HECW1: variants seen among roughly 807,000 people sequenced by gnomAD.
HECW1 encodes E3 ubiquitin-protein ligase HECW1.
Under a neutral mutation model 182.3 loss-of-function variants are expected in HECW1, and 61 were observed. The observed-to-expected ratio is 0.33, with a 90% CI of 0.27 to 0.41. The LOEUF (loss-of-function observed/expected upper bound fraction) is 0.41, where lower values mean the gene tolerates loss of function less well. HECW1 is among the 10% of genes least tolerant of loss of function. HECW1 has a pLI of 1.00. For synonymous variants in HECW1, 859 were observed against 832.6 expected (o/e 1.03, Z -0.55); for missense variants, 1,739 against 2,108.9 (o/e 0.82, Z 3.44).
chr7:43,248,142 GAAAGAA>G (rs1171907040), intron 3 of HECW1, among the ~76,000 whole-genome samples: 2 of 151,938 alleles, frequency 1.3e-5, no homozygotes, highest in African/African-American at 4.8e-5. Context: ...GGAGAGGAGA[GAAAGAA>G]GAAGAAAGAG....
intron 27 of HECW1, among the ~76,000 whole-genome samples, chr7:43,551,434 G>A (rs1317087745): frequency 4.9e-5 from 7 of 142,930 alleles, no homozygotes; most frequent in Non-Finnish European, 1.1e-4. Context: ...GGAAAATACA[G>A]TCGTTTTAAT....
At chr7:43,384,462 A>G (rs1018931701) in intron 6 of HECW1, among the ~76,000 whole-genome samples, 16 of 152,218 alleles carry the variant, frequency 1.1e-4, no homozygotes, top group Admixed American at 9.8e-4. Flanking sequence ...TCACCCTTGG[A>G]CCTTAGAGAG....
At chr7:43,278,282 C>T (rs538435339) in intron 3 of HECW1, among the ~76,000 whole-genome samples, 159 of 152,238 alleles carry the variant, frequency 1.0e-3, no homozygotes, top group African/African-American at 3.5e-3. Context: ...CCTGTTTCTC[C>T]GGCCAAAACC....
chr7:43,160,102 A>G (rs1330145987), intron 2 of HECW1, among the ~76,000 whole-genome samples: 1 of 152,246 alleles, frequency 6.6e-6, no homozygotes, highest in African/African-American at 2.4e-5. Context: ...GAGATTAAAC[A>G]GTTTTGCAGA....
intron 24 of HECW1, among the ~76,000 whole-genome samples, chr7:43,540,499 C>T (rs372059895): frequency 7.9e-5 from 12 of 152,290 alleles, no homozygotes; most frequent in East Asian, 7.7e-4. Context: ...GTCAATGCTC[C>T]GACAAGCATT....
intron 5 of HECW1, among the ~76,000 whole-genome samples, chr7:43,336,296 G>T (rs1812279078): frequency 6.6e-6 from 1 of 151,142 alleles, no homozygotes; most frequent in South Asian, 2.1e-4. Flanking sequence ...CTCCTGAGTA[G>T]CTGGGACCAC....
chr7:43,313,731 G>A (rs994165974), intron 4 of HECW1, among the ~76,000 whole-genome samples: 1 of 152,174 alleles, frequency 6.6e-6, no homozygotes, highest in Non-Finnish European at 1.5e-5. Flanking sequence ...CAACTTTCTA[G>A]CTTCTTTCAC....
intron 2 of HECW1, among the ~76,000 whole-genome samples, chr7:43,145,643 A>G (rs1435978380): frequency 6.6e-6 from 1 of 152,220 alleles, no homozygotes; most frequent in Non-Finnish European, 1.5e-5. Flanking sequence ...GTAGAGGTCT[A>G]GAGAATATGT....
chr7:43,467,852 C>T lies in HECW1; in HGVS notation c.2914-1068C>T, dbSNP rs921361761. On this transcript the variant is annotated intron_variant, in intron 15 of 29. Coordinates refer to ENST00000395891, the MANE Select transcript of HECW1 (RefSeq NM_015052.5). Reference sequence around the variant, plus strand: ...GCACTAAGCTGGAGGTGGAGTTTGACTGGGTGATGGAGGGCGTGGCTGCAA... The same window carrying T: ...GCACTAAGCTGGAGGTGGAGTTTGATTGGGTGATGGAGGGCGTGGCTGCAA... Among the ~76,000 whole-genome samples the T allele has an allele frequency of 3.3e-5, 5 of 152,128 alleles. No individual in the cohort carries two copies. The East Asian group carries it at 7.7e-4, about 23-fold the overall frequency.
chr7:43,270,201 G>T (rs1021385067), intron 3 of HECW1, among the ~76,000 whole-genome samples: 1 of 152,172 alleles, frequency 6.6e-6, no homozygotes, highest in Non-Finnish European at 1.5e-5. Context: ...GTCTCTCGTG[G>T]TTTCTGCCGG....
chr7:43,336,703 C>A lies in HECW1; in HGVS notation c.460+15961C>A, dbSNP rs58773073. ...AATTTTTCAACCTTTATCCCTCTCCCAATCTCCCCACTTTTGGGGTCCTCA... is the reference window on the plus strand; with the variant it reads ...AATTTTTCAACCTTTATCCCTCTCCAAATCTCCCCACTTTTGGGGTCCTCA... On this transcript the variant is annotated intron_variant, in intron 5 of 29. Coordinates refer to ENST00000395891, the MANE Select transcript of HECW1 (RefSeq NM_015052.5). Among the ~76,000 whole-genome samples the A allele has an allele frequency of 9.0e-3, 1,366 of 152,260 alleles. 22 individuals carry two copies. The highest frequency in any genetic ancestry group is 0.032 in the African/African-American group (1,326 of 41,540).
intron 17 of HECW1, among the ~76,000 whole-genome samples, chr7:43,482,310 CAG>C (rs1563036999): frequency 1.3e-5 from 2 of 152,188 alleles, no homozygotes; most frequent in Non-Finnish European, 2.9e-5. Context: ...GATAAGGAGA[CAG>C]AGGGACTCTG....
At chr7:43,509,150 A>G (rs1395653383) in intron 24 of HECW1, 29 bp downstream of exon 24, 21 of 1,606,302 alleles carry the variant, frequency 1.3e-5, no homozygotes, top group Admixed American at 1.7e-5. Flanking sequence ...ACTTTCTTGT[A>G]TTTGAAAGTT....
At chr7:43,405,314 A>T (rs539059991) in intron 7 of HECW1, among the ~76,000 whole-genome samples, 4 of 152,268 alleles carry the variant, frequency 2.6e-5, no homozygotes, top group African/African-American at 9.6e-5. Flanking sequence ...CCCTAGGTTC[A>T]ACAATTTGCT....
intron 5 of HECW1, among the ~76,000 whole-genome samples, chr7:43,352,957 G>C (rs1814649440): frequency 6.6e-6 from 1 of 151,998 alleles, no homozygotes; most frequent in Non-Finnish European, 1.5e-5. Flanking sequence ...GAAGGTGGGG[G>C]GGCAGGGAAG....
chr7:43,204,974 T>A lies in HECW1; in HGVS notation c.-31-38901T>A, dbSNP rs1054885312. 4.6e-5 allele frequency among the ~76,000 whole-genome samples: 7 copies of A among 152,260 alleles called. No individual in the cohort carries two copies. The South Asian group carries it at 1.0e-3, about 23-fold the overall frequency. ...TGGGACATTTCTGGGTGGTAGAAGG[T>A]TTCTATCTCAAACGGGCACAGAAAG... On this transcript the variant is annotated intron_variant, in intron 2 of 29. Coordinates refer to ENST00000395891, the MANE Select transcript of HECW1 (RefSeq NM_015052.5).
intron 8 of HECW1, among the ~76,000 whole-genome samples, chr7:43,415,389 G>A (rs530246121): frequency 0.022 from 3,056 of 141,920 alleles, 119 homozygotes; most frequent in African/African-American, 0.077. Flanking sequence ...GGTTTCTGCC[G>A]AGAGATCCGC....
At chr7:43,415,708 C>A (rs1224975533) in intron 8 of HECW1, among the ~76,000 whole-genome samples, 2 of 143,650 alleles carry the variant, frequency 1.4e-5, no homozygotes, top group Admixed American at 7.0e-5. Flanking sequence ...TCCCATATTT[C>A]TTGGAGGCTT....
chr7:43,380,781 G>A (rs57825626), intron 6 of HECW1, among the ~76,000 whole-genome samples: 3,777 of 152,090 alleles, frequency 0.025, 131 homozygotes, highest in African/African-American at 0.079. Context: ...CACCTGCCTC[G>A]GCCTCCTGAA....
Sources: allele counts gnomAD v4.1 joint callset (sites outside exome capture counted in the v4.1 genomes callset), GRCh38; gene constraint gnomAD v4.1.1; transcripts MANE v1.5; gene names NCBI Gene and HGNC (gene_info 2026-07-23, HGNC 2026-07-21).